The following FGGY variants were observed in gnomAD, a reference collection of about 807,000 sequenced individuals.
FGGY encodes the protein FGGY carbohydrate kinase domain-containing protein.
A neutral mutation model predicts 71.3 loss-of-function variants in FGGY; 72 were observed. The ratio of observed to expected loss-of-function variants is 1.01; its 90% CI spans 0.84 to 1.23. FGGY has a LOEUF of 1.23. Among genes scored for constraint, FGGY ranks in the 50% most tolerant of loss-of-function variants. FGGY has a pLI of 0.00. For synonymous variants in FGGY, 251 were observed against 250.3 expected (o/e 1.00, Z -0.02); for missense variants, 668 against 682.3 (o/e 0.98, Z 0.23).
At chr1:59,460,847 CTGT>C (rs2092134818) in intron 6 of FGGY, among the ~76,000 whole-genome samples, 1 of 152,206 alleles carries the variant, frequency 6.6e-6, no homozygotes, top group Non-Finnish European at 1.5e-5. Flanking sequence ...AGGAACCTGG[CTGT>C]TAGAAGGAAC....
intron 8 of FGGY, among the ~76,000 whole-genome samples, chr1:59,571,057 C>A (rs1456915577): frequency 6.6e-6 from 1 of 152,068 alleles, no homozygotes; most frequent in Non-Finnish European, 1.5e-5. Flanking sequence ...TTTCATATAC[C>A]CCATCTGTGG....
chr1:59,420,201 C>G (rs2065173982), intron 5 of FGGY, among the ~76,000 whole-genome samples: 2 of 152,208 alleles, frequency 1.3e-5, no homozygotes, highest in African/African-American at 4.8e-5. Flanking sequence ...TGTAGCTTCT[C>G]TCTCTCTGTA....
intron 14 of FGGY, among the ~76,000 whole-genome samples, chr1:59,750,913 A>T (rs1221255256): frequency 6.6e-6 from 1 of 151,838 alleles, no homozygotes; most frequent in African/African-American, 2.4e-5. Flanking sequence ...TCTGTAAAAA[A>T]AAAAAAGGTA....
At chr1:59,339,688 C>T (rs1195248880) in intron 2 of FGGY, among the ~76,000 whole-genome samples, 1 of 152,112 alleles carries the variant, frequency 6.6e-6, no homozygotes, top group Non-Finnish European at 1.5e-5. Context: ...TGGTCTTGAA[C>T]TCCTGACCTT....
At chr1:59,478,366 G>C (rs1011855537) in intron 6 of FGGY, among the ~76,000 whole-genome samples, 4 of 152,062 alleles carry the variant, frequency 2.6e-5, no homozygotes, top group Non-Finnish European at 4.4e-5. Flanking sequence ...TATAAACTAT[G>C]GTATAAAGCT....
intron 5 of FGGY, among the ~76,000 whole-genome samples, chr1:59,413,658 A>G (rs2063920829): frequency 6.6e-6 from 1 of 152,204 alleles, no homozygotes; most frequent in African/African-American, 2.4e-5. Context: ...CATAAAAAAA[A>G]ACCCAGACTT....
intron 6 of FGGY, among the ~76,000 whole-genome samples, chr1:59,496,835 A>G (rs2094050774): frequency 1.3e-5 from 2 of 152,222 alleles, no homozygotes; most frequent in South Asian, 4.1e-4. Flanking sequence ...TAAAGTCCCA[A>G]TTGTTACATC....
rs1489109867 is a variant in FGGY, at chr1:59,562,324, T to G, written c.903+8097T>G. ...AAAGGGAATGAACCATAATATAAGG[T>G]ACAACATGGATTAATCACACAAAAT... On this transcript the variant is annotated intron_variant, in intron 8 of 15. Transcript: ENST00000303721. Among the ~76,000 whole-genome samples, 2 of 152,112 alleles carry G rather than the reference T, an allele frequency of 1.3e-5. 1 individual carries two copies. The highest frequency in any genetic ancestry group is 2.9e-5 in the Non-Finnish European group (2 of 68,010).
rs949703497 is a variant in FGGY at position 59,546,348 on chromosome 1, A to G, written c.800-7776A>G. Reference sequence around the variant, plus strand: ...AACCATTACGCCCTAACTAGTTCATATATCTAGTAAATGTCTGTTTACATC... The same window carrying G: ...AACCATTACGCCCTAACTAGTTCATGTATCTAGTAAATGTCTGTTTACATC... On this transcript the variant is annotated intron_variant, in intron 7 of 15. Transcript: ENST00000303721. Among the ~76,000 whole-genome samples, 32 of 137,316 alleles carry G rather than the reference A, an allele frequency of 2.3e-4. 1 individual carries two copies. Among genetic ancestry groups the G allele is most frequent in the African/African-American group, 7.5e-4 (27 of 36,156 alleles). 90.1% of individuals were successfully genotyped at this position (137,316 alleles called of 152,430 possible). A position where few individuals can be genotyped will look rare whatever the true frequency, so the allele number is the denominator to read the frequency against.
intron 5 of FGGY, among the ~76,000 whole-genome samples, chr1:59,412,417 C>T (rs1276246170): frequency 2.0e-5 from 3 of 152,106 alleles, no homozygotes; most frequent in African/African-American, 7.2e-5. Flanking sequence ...CTAGTGGGGC[C>T]ATCTTGATAC....
Position 59,386,030 on chromosome 1 carries a change from G to A in FGGY, c.554+7193G>A, listed in dbSNP as rs547343537. ...TGAACAAAATTTTAATTTTAAAATA[G>A]TTTTAGGATTATAGAAAAATTGTGA... On this transcript the variant is annotated intron_variant, in intron 5 of 15. Transcript: ENST00000303721. 1.2e-3 allele frequency among the ~76,000 whole-genome samples: 190 copies of A among 152,150 alleles called. 1 individual carries two copies. The highest frequency in any genetic ancestry group is 2.3e-3 in the Non-Finnish European group (158 of 67,966).
chr1:59,299,294 C>T (rs1315975811), intron 1 of FGGY, among the ~76,000 whole-genome samples: 1 of 152,204 alleles, frequency 6.6e-6, no homozygotes, highest in African/African-American at 2.4e-5. Flanking sequence ...AAAAAATCAC[C>T]TGACAGGAGG....
intron 14 of FGGY, among the ~76,000 whole-genome samples, chr1:59,713,824 C>T (rs1202887906): frequency 7.2e-5 from 11 of 152,216 alleles, no homozygotes; most frequent in Non-Finnish European, 1.6e-4. Flanking sequence ...ATCAGAAAGG[C>T]TTCCGCCCTG....
At chr1:59,575,629 C>T (rs1484700514) in intron 8 of FGGY, among the ~76,000 whole-genome samples, 1 of 152,130 alleles carries the variant, frequency 6.6e-6, no homozygotes, top group African/African-American at 2.4e-5. Flanking sequence ...GTAGAATTGC[C>T]TGATCACATG....
chr1:59,476,544 C>T (rs558260184), intron 6 of FGGY, among the ~76,000 whole-genome samples: 14 of 152,332 alleles, frequency 9.2e-5, no homozygotes, highest in African/African-American at 3.1e-4. Context: ...GAGTCCCAGT[C>T]CTAGTCCAGT....
chr1:59,524,682 G>A (rs1274790412), intron 7 of FGGY, among the ~76,000 whole-genome samples: 2 of 152,082 alleles, frequency 1.3e-5, no homozygotes, highest in African/African-American at 4.8e-5. Context: ...CCCACTTCGG[G>A]TCTCCTCTCC....
At chr1:59,423,957 G>A (rs544150513) in intron 5 of FGGY, among the ~76,000 whole-genome samples, 1 of 152,298 alleles carries the variant, frequency 6.6e-6, no homozygotes, top group East Asian at 1.9e-4. Context: ...TCCCTCTCTA[G>A]GCTATGGTGC....
At chr1:59,580,353 C>T (rs1329514024) in intron 8 of FGGY, among the ~76,000 whole-genome samples, 1 of 152,106 alleles carries the variant, frequency 6.6e-6, no homozygotes, top group African/African-American at 2.4e-5. Flanking sequence ...TTTCCACATG[C>T]TGTTCTTTCT....
intron 4 of FGGY, among the ~76,000 whole-genome samples, chr1:59,365,615 AT>A (rs1211669769): frequency 1.3e-5 from 2 of 152,214 alleles, no homozygotes; most frequent in South Asian, 2.1e-4. Context: ...GCGATGCAAA[AT>A]TTGGTCTGAC....
Sources: gnomAD v4.1 joint callset for allele counts (sites outside exome capture counted in the v4.1 genomes callset) on GRCh38, gnomAD v4.1.1 for gene constraint, MANE v1.5 for transcripts, NCBI Gene and HGNC (gene_info 2026-07-23, HGNC 2026-07-21) for gene names.